CDH11: variants seen among roughly 807,000 people sequenced by gnomAD.
CDH11 encodes cadherin 11, also known as cadherin-11.
In CDH11, 11 loss-of-function variants were observed where a neutral mutation model predicts 67.8. The observed-to-expected ratio is 0.16, with a 90% CI of 0.10 to 0.27. The LOEUF (loss-of-function observed/expected upper bound fraction) is 0.27. CDH11 is among the 10% of genes least tolerant of loss of function. CDH11 has a pLI of 1.00. For missense variants in CDH11, 847 were observed against 1,031.2 expected (o/e 0.82, Z 2.45); for synonymous variants, 419 against 400.0 (o/e 1.05, Z -0.57).
At chr16:64,993,214 C>G (rs2072677298) in intron 4 of CDH11, among the ~76,000 whole-genome samples, 180 bp from the exon 5 acceptor site, 1 of 151,724 alleles carries the variant, frequency 6.6e-6, no homozygotes, top group African/African-American at 2.4e-5. Flanking sequence ...TCCTTCCTTC[C>G]TTCCTTCCTT....
chr16:64,955,823 A>G (rs560613032), intron 11 of CDH11, among the ~76,000 whole-genome samples: 5 of 152,182 alleles, frequency 3.3e-5, no homozygotes, highest in Non-Finnish European at 7.3e-5. Context: ...TAGAAATATA[A>G]ACAAACTAAA....
Position 65,121,702 on chromosome 16 carries a change from T to C in CDH11, c.-298+178A>G, listed in dbSNP as rs1466887781. The stretch of plus-strand genomic sequence containing the variant: ...AGCTGGCTCCCTTCTCCCTTTCTGA[T>C]TTTTAAACAAATCTCTCCCTCCCTT... On this transcript the variant is annotated intron_variant, in intron 1 of 12. Coordinates refer to ENST00000268603, the MANE Select transcript of CDH11 (RefSeq NM_001797.4). The surrounding 1 kb of genome is among the most constrained non-coding windows in gnomAD (Gnocchi z 4.1). Among the ~76,000 whole-genome samples, 1 of 152,184 alleles carries C rather than the reference T, an allele frequency of 6.6e-6. No homozygotes were observed. The highest frequency in any genetic ancestry group is 1.5e-5 in the Non-Finnish European group (1 of 68,034).
intron 1 of CDH11, among the ~76,000 whole-genome samples, chr16:65,062,704 CAT>C (rs1345718070): frequency 6.6e-6 from 1 of 152,174 alleles, no homozygotes; most frequent in Non-Finnish European, 1.5e-5. Context: ...GGATAAGAAG[CAT>C]ATATGTTTCC....
At chr16:65,045,408 T>A (rs2142688494) in intron 2 of CDH11, among the ~76,000 whole-genome samples, 1 of 141,646 alleles carries the variant, frequency 7.1e-6, no homozygotes, top group Admixed American at 7.2e-5. Context: ...GCTTTTGGAA[T>A]GGTGCTTAAA....
intron 6 of CDH11, among the ~76,000 whole-genome samples, chr16:64,990,366 G>A (rs2072598219): frequency 1.3e-5 from 2 of 151,390 alleles, no homozygotes; most frequent in South Asian, 4.2e-4. Context: ...ATTCCTTTGA[G>A]TAACCACAGT....
At chr16:65,090,077 G>T (rs1382315820) in intron 1 of CDH11, among the ~76,000 whole-genome samples, 1 of 152,116 alleles carries the variant, frequency 6.6e-6, no homozygotes, top group African/African-American at 2.4e-5. Flanking sequence ...GTAATAAAAT[G>T]AGAAAAATGG....
rs138369035 is a variant in CDH11 at position 65,058,883 on chromosome 16, T to C, written c.-297-4955A>G. On this transcript the variant is annotated intron_variant, in intron 1 of 12. Transcript: ENST00000268603. ...CACAATACATGGAACACTTCACTTA[T>C]ACACTCAAAAATCAATAGTTGTGAT... 7.9e-5 allele frequency among the ~76,000 whole-genome samples: 12 copies of C among 152,334 alleles called. No individual in the cohort carries two copies. In the East Asian group the frequency reaches 9.7e-4, roughly 12 times the overall value.
chr16:64,949,483 A>G (rs974274111), intron 12 of CDH11, among the ~76,000 whole-genome samples: 2 of 147,246 alleles, frequency 1.4e-5, no homozygotes, highest in African/African-American at 5.1e-5. Flanking sequence ...CTGAAGTGCA[A>G]CGGCGCCATC....
At chr16:64,975,288 T>C (rs1355407374) in intron 8 of CDH11, among the ~76,000 whole-genome samples, 2 of 152,108 alleles carry the variant, frequency 1.3e-5, no homozygotes, top group Admixed American at 1.3e-4. Context: ...TATGTAAGAG[T>C]GTGACCTTCA....
rs2071210231 is a variant in CDH11 at position 64,946,950 on chromosome 16, T to C, written c.*653A>G. On this transcript the variant is annotated 3_prime_UTR_variant, in exon 13 of 13. Coordinates refer to ENST00000268603, the MANE Select transcript of CDH11 (RefSeq NM_001797.4). ...AATAAGAACTTTAAAATTGTACAAA[T>C]AGATACATTAAAAATGACATAGAAA... 3 of 891,702 alleles carry C rather than the reference T, an allele frequency of 3.4e-6. No homozygotes were observed. The highest frequency in any genetic ancestry group is 1.2e-4 in the Admixed American group (2 of 16,944). 55.2% of individuals were successfully genotyped at this position (891,702 alleles called of 1,614,324 possible). A position where few individuals can be genotyped will look rare whatever the true frequency, so the allele number is the denominator to read the frequency against.
chr16:65,079,876 C>A (rs1292415783), intron 1 of CDH11, among the ~76,000 whole-genome samples: 2 of 152,304 alleles, frequency 1.3e-5, no homozygotes, highest in South Asian at 2.1e-4. Context: ...ATCAACTGAT[C>A]CATCTCCTGG....
intron 2 of CDH11, among the ~76,000 whole-genome samples, chr16:65,033,226 T>G (rs1258579943): frequency 9.3e-6 from 1 of 107,686 alleles, no homozygotes; most frequent in East Asian, 2.6e-4. Flanking sequence ...ACCCCACAAG[T>G]AAACTAGGAA....
chr16:65,118,439 T>C (rs768116320), intron 1 of CDH11, among the ~76,000 whole-genome samples: 19 of 151,464 alleles, frequency 1.3e-4, no homozygotes, highest in Admixed American at 6.6e-4. Context: ...GTTGATGTTT[T>C]TCCCCCTAAT....
chr16:65,097,766 C>T (rs1394833642), intron 1 of CDH11, among the ~76,000 whole-genome samples: 1 of 152,196 alleles, frequency 6.6e-6, no homozygotes, highest in Non-Finnish European at 1.5e-5. Flanking sequence ...TCTCCCACAA[C>T]ACATGGGATC....
intron 1 of CDH11, among the ~76,000 whole-genome samples, chr16:65,118,478 A>G (rs188812164): frequency 6.6e-6 from 1 of 152,288 alleles, no homozygotes; most frequent in African/African-American, 2.4e-5. Flanking sequence ...ATATAGACCA[A>G]CTACTTTTAT....
chr16:64,957,386 C>A (rs1010681116), intron 11 of CDH11, among the ~76,000 whole-genome samples: 7 of 152,082 alleles, frequency 4.6e-5, no homozygotes, highest in Non-Finnish European at 1.0e-4. Flanking sequence ...TGACCCAAAT[C>A]TGCCTACTCT....
chr16:65,100,388 G>A (rs569275718), intron 1 of CDH11, among the ~76,000 whole-genome samples: 2 of 151,980 alleles, frequency 1.3e-5, no homozygotes, highest in African/African-American at 4.8e-5. Context: ...GCTGAGATGA[G>A]TGACCAACCA....
intron 1 of CDH11, among the ~76,000 whole-genome samples, chr16:65,092,603 T>C (rs962406141): frequency 6.6e-6 from 1 of 152,168 alleles, no homozygotes; most frequent in African/African-American, 2.4e-5. Flanking sequence ...CTGAGGAACA[T>C]GGCCACAGCC....
chr16:65,073,708 C>T lies in CDH11; in HGVS notation c.-297-19780G>A, dbSNP rs187302828. Among the ~76,000 whole-genome samples, 499 of 152,270 alleles carry T rather than the reference C, an allele frequency of 3.3e-3. 2 individuals are homozygous for T. The highest frequency in any genetic ancestry group is 0.011 in the African/African-American group (464 of 41,554). The stretch of plus-strand genomic sequence containing the variant: ...TAGCTCTGGGTGGGAGGTAAGTCCT[C>T]CTCTTTCTTCAGAGTGTGCTTCTGT... On this transcript the variant is annotated intron_variant, in intron 1 of 12. Coordinates refer to ENST00000268603, the MANE Select transcript of CDH11 (RefSeq NM_001797.4).
Sources: allele counts gnomAD v4.1 joint callset (sites outside exome capture counted in the v4.1 genomes callset), GRCh38; gene constraint gnomAD v4.1.1; non-coding constraint Gnocchi (gnomAD v3.1); transcripts MANE v1.5; gene names NCBI Gene and HGNC (gene_info 2026-07-23, HGNC 2026-07-21).